STK32A: variants seen among roughly 807,000 people sequenced by gnomAD.
STK32A encodes the protein serine/threonine-protein kinase 32A.
In STK32A, 41 loss-of-function variants were observed where a neutral mutation model predicts 53.2. The observed-to-expected ratio is 0.77, with a 90% CI of 0.60 to 1.00. The LOEUF is 1.00. Among genes scored for constraint, STK32A ranks in the 50% least tolerant of loss-of-function variants. The pLI is 0.00. For missense variants in STK32A, 458 were observed against 485.8 expected (o/e 0.94, Z 0.54); for synonymous variants, 166 against 162.8 (o/e 1.02, Z -0.15).
In STK32A at chr5:147,280,913, C is replaced by G. The variant is rs560577503; in HGVS notation, c.260+1515C>G. 2.6e-5 allele frequency among the ~76,000 whole-genome samples: 4 copies of G among 152,302 alleles called. No homozygotes were observed. In the South Asian group the frequency reaches 8.3e-4, roughly 32 times the overall value. On this transcript the variant is annotated intron_variant, in intron 4 of 12. Coordinates refer to ENST00000397936, the MANE Select transcript of STK32A (RefSeq NM_001112724.2). ...TCCCTGCCACCTCCACCAGAATAGG[C>G]ACTGGTATCCACAGCTGAGAGACTC...
At chr5:147,388,867 A>T (rs1757732935), downstream of STK32A, among the ~76,000 whole-genome samples, 1 of 152,168 alleles carries the variant, frequency 6.6e-6, no homozygotes, top group African/African-American at 2.4e-5. Flanking sequence ...CCTGAGTTTA[A>T]GTGCTGACTA....
At chr5:147,329,824 G>T (rs993732264) in intron 5 of STK32A, among the ~76,000 whole-genome samples, 9 of 152,210 alleles carry the variant, frequency 5.9e-5, no homozygotes, top group African/African-American at 2.2e-4. Flanking sequence ...ACTTGCACTG[G>T]ATCTAAACTA....
intron 9 of STK32A, among the ~76,000 whole-genome samples, chr5:147,371,342 A>C (rs939840654): frequency 6.6e-6 from 1 of 152,214 alleles, no homozygotes; most frequent in African/African-American, 2.4e-5. Context: ...GTGGTACAAA[A>C]GTTCAAAATA....
In STK32A at chr5:147,342,903, A is replaced by G. The variant is rs958997531; in HGVS notation, c.435-103A>G. 11 of 952,788 alleles carry G rather than the reference A, an allele frequency of 1.2e-5. No homozygotes were observed. In the South Asian group the frequency reaches 1.3e-4, roughly 11 times the overall value. The allele number at this position is 952,788 out of a possible 1,614,324, so 59.0% of individuals were successfully genotyped here. ...AAGATGAGTATTGAGAAGCTAGTAC[A>G]CTGTTTCAACTCCAGTTAGCTTTCT... On this transcript the variant is annotated intron_variant, in intron 5 of 12. Coordinates refer to ENST00000397936, the MANE Select transcript of STK32A (RefSeq NM_001112724.2).
intron 4 of STK32A, among the ~76,000 whole-genome samples, chr5:147,315,253 C>T (rs771971889): frequency 1.4e-4 from 22 of 152,138 alleles, no homozygotes; most frequent in Non-Finnish European, 2.6e-4. Context: ...AAAGCAGGGA[C>T]TCAAATAGAT....
chr5:147,260,825 G>A (rs1023779470), intron 2 of STK32A, among the ~76,000 whole-genome samples: 2 of 152,120 alleles, frequency 1.3e-5, no homozygotes, highest in Non-Finnish European at 2.9e-5. Flanking sequence ...CACTCACTCC[G>A]TCCAGCAGTA....
At chr5:147,279,487 C>A in intron 4 of STK32A, 89 bp downstream of exon 4, 1 of 1,194,622 alleles carries the variant, frequency 8.4e-7, no homozygotes, top group Non-Finnish European at 1.2e-6. Flanking sequence ...GACCTCAGCC[C>A]TGGCTGGTAT....
intron 8 of STK32A, among the ~76,000 whole-genome samples, chr5:147,365,103 A>G (rs942169639): frequency 4.6e-5 from 7 of 152,098 alleles, no homozygotes; most frequent in Non-Finnish European, 8.8e-5. Flanking sequence ...CCCACAACAC[A>G]CCATCATGAT....
intron 4 of STK32A, among the ~76,000 whole-genome samples, chr5:147,290,567 T>C (rs182286600): frequency 8.0e-4 from 122 of 152,314 alleles, no homozygotes; most frequent in African/African-American, 2.9e-3. Flanking sequence ...AGATTAAACC[T>C]GTAGCTGCAC....
intron 4 of STK32A, among the ~76,000 whole-genome samples, chr5:147,318,960 C>T (rs1171878559): frequency 6.6e-6 from 1 of 152,120 alleles, no homozygotes; most frequent in Non-Finnish European, 1.5e-5. Context: ...GATACTTTAA[C>T]GACTAAAAGT....
At chr5:147,273,003 A>G (rs1042293291) in intron 2 of STK32A, among the ~76,000 whole-genome samples, 4 of 152,254 alleles carry the variant, frequency 2.6e-5, no homozygotes, top group Non-Finnish European at 5.9e-5. Context: ...TAGAAAAAAT[A>G]AAATCTTTTG....
intron 4 of STK32A, among the ~76,000 whole-genome samples, chr5:147,307,598 T>C (rs1259949074): frequency 2.1e-5 from 3 of 142,686 alleles, no homozygotes; most frequent in Admixed American, 7.3e-5. Context: ...GCACTCCAGG[T>C]TGGGCGACAG....
intron 4 of STK32A, among the ~76,000 whole-genome samples, chr5:147,314,209 A>G (rs185811204): frequency 1.2e-4 from 19 of 152,272 alleles, no homozygotes; most frequent in African/African-American, 4.3e-4. Context: ...TTTACAATAT[A>G]CAAAGGGGCC....
At chr5:147,393,884 G>A in the STK32A span, 1 of 765,930 alleles carries the variant, frequency 1.3e-6, no homozygotes, top group Non-Finnish European at 2.1e-6. Context: ...AGGCAAGCGA[G>A]CGTAACATTG....
At chr5:147,299,352 G>C (rs1753019620) in intron 4 of STK32A, among the ~76,000 whole-genome samples, 1 of 152,036 alleles carries the variant, frequency 6.6e-6, no homozygotes, top group East Asian at 1.9e-4. Context: ...CGGCTTCTTT[G>C]CCGCAACTTG....
intron 6 of STK32A, among the ~76,000 whole-genome samples, chr5:147,350,666 C>A (rs528395570): frequency 3.3e-5 from 5 of 152,226 alleles, no homozygotes; most frequent in African/African-American, 9.6e-5. Context: ...CCACGCCCAG[C>A]CTATTTGCCT....
At chr5:147,304,075 T>A (rs1753277909) in intron 4 of STK32A, among the ~76,000 whole-genome samples, 1 of 152,196 alleles carries the variant, frequency 6.6e-6, no homozygotes, top group African/African-American at 2.4e-5. Context: ...GTAGCAGGTT[T>A]CACAAAGATT....
chr5:147,310,616 C>T (rs1753645001), intron 4 of STK32A, among the ~76,000 whole-genome samples: 1 of 152,196 alleles, frequency 6.6e-6, no homozygotes, highest in Non-Finnish European at 1.5e-5. Flanking sequence ...ACTAGTTTCT[C>T]TGTGATCGGT....
chr5:147,304,106 A>T (rs1486208542), intron 4 of STK32A, among the ~76,000 whole-genome samples: 1 of 152,196 alleles, frequency 6.6e-6, no homozygotes, highest in Non-Finnish European at 1.5e-5. Flanking sequence ...GGCAATCTGG[A>T]AATCTAGGTA....
Sources: allele counts gnomAD v4.1 joint callset (sites outside exome capture counted in the v4.1 genomes callset), GRCh38; gene constraint gnomAD v4.1.1; transcripts MANE v1.5; gene names NCBI Gene and HGNC (gene_info 2026-07-23, HGNC 2026-07-21).